MSH6: variants seen among roughly 807,000 people sequenced by gnomAD.
MSH6 encodes the protein DNA mismatch repair protein Msh6.
In MSH6, 85 loss-of-function variants were observed where a neutral mutation model predicts 119.1. The observed-to-expected ratio is 0.71, with a 90% CI of 0.60 to 0.85. The LOEUF is 0.85. Ranked by LOEUF, MSH6 falls within the 40% of genes least tolerant of loss-of-function variation. The pLI is 0.00. For synonymous variants in MSH6, 830 were observed against 586.9 expected (o/e 1.41, Z -5.99); for missense variants, 2,163 against 1,655.3 (o/e 1.31, Z -5.32).
downstream of MSH6, chr2:47,809,484 ATC>A: frequency 1.2e-6 from 1 of 800,252 alleles, no homozygotes; most frequent in Non-Finnish European, 2.0e-6. Flanking sequence ...TTCAAAATCT[ATC>A]TTAAACTGTT....
At chr2:47,806,156 G>GTT in intron 7 of MSH6, 48 bp from the exon 8 acceptor site, 1 of 1,463,252 alleles carries the variant, frequency 6.8e-7, no homozygotes, top group Non-Finnish European at 9.5e-7. Flanking sequence ...TTCCTTTTTT[G>GTT]TTTTAATTCC....
chr2:47,803,709 T>C, intron 5 of MSH6, 24 bp downstream of exon 5: 1 of 1,613,966 alleles, frequency 6.2e-7, no homozygotes, highest in Non-Finnish European at 8.5e-7. Flanking sequence ...AAAGTTTTGT[T>C]ATCAGAAAGT....
chr2:47,800,915 C>G lies in MSH6; in HGVS notation c.2932C>G (p.Gln978Glu), dbSNP rs587781372. Residue 978 changes from glutamine (Q) to glutamate (E), a missense_variant, in exon 4 of 10, where the codon CAG becomes GAG. Gln to Glu is a conservative substitution (Grantham distance 29). Coordinates refer to ENST00000234420, the MANE Select transcript of MSH6 (RefSeq NM_000179.3). The part of the protein sequence containing the change: ...VYWGIGRNRY[Q>E]LEIPENFTTR... Reference sequence around the variant, plus strand: ...TTGGGGGATTGGTAGGAACCGTTACCAGCTGGAAATTCCTGAGAATTTCAC... The same window carrying G: ...TTGGGGGATTGGTAGGAACCGTTACGAGCTGGAAATTCCTGAGAATTTCAC... 8.2e-6 allele frequency: 13 copies of G among 1,582,426 alleles called. No individual in the cohort carries two copies. The highest frequency in any genetic ancestry group is 1.1e-5 in the Non-Finnish European group (13 of 1,166,046).
At chr2:47,792,327 A>G (rs1021383497) in intron 2 of MSH6, among the ~76,000 whole-genome samples, 5 of 152,068 alleles carry the variant, frequency 3.3e-5, no homozygotes, top group East Asian at 3.9e-4. Context: ...GTAACTGGGA[A>G]ATTCCCAGAA....
chr2:47,793,669 T>C lies in MSH6; in HGVS notation c.458-2225T>C, dbSNP rs182275454. 5.3e-5 allele frequency among the ~76,000 whole-genome samples: 8 copies of C among 151,618 alleles called. No homozygotes were observed. The East Asian group carries it at 1.4e-3, about 26-fold the overall frequency. ...ATAAATAAAGTAAAAAGATCTCTCA[T>C]TGAACCAGATGATATATGAAGTCTC... On this transcript the variant is annotated intron_variant, in intron 2 of 9. Coordinates refer to ENST00000234420, the MANE Select transcript of MSH6 (RefSeq NM_000179.3).
At chr2:47,794,841 C>CT (rs1401498130) in intron 2 of MSH6, among the ~76,000 whole-genome samples, 1 of 152,116 alleles carries the variant, frequency 6.6e-6, no homozygotes, top group Non-Finnish European at 1.5e-5. Flanking sequence ...GTCGCCCAGG[C>CT]TGAAGTGCAG....
intron 1 of MSH6, 58 bp from the exon 2 acceptor site, chr2:47,790,869 G>C: frequency 1.3e-6 from 2 of 1,491,072 alleles, no homozygotes; most frequent in East Asian, 2.3e-5. Flanking sequence ...GTAGGTAACT[G>C]CCTTTAAGGA....
chr2:47,786,444 C>A (rs901013773), intron 1 of MSH6, among the ~76,000 whole-genome samples: 1 of 151,862 alleles, frequency 6.6e-6, no homozygotes, highest in African/African-American at 2.4e-5. Flanking sequence ...CAGCGATTCT[C>A]CTGCCTCATC....
intron 4 of MSH6, among the ~76,000 whole-genome samples, chr2:47,801,803 T>G (rs553230122): frequency 1.1e-4 from 16 of 152,162 alleles, no homozygotes; most frequent in African/African-American, 3.1e-4. Context: ...CGTGCCCTGC[T>G]TTATTTTTTT....
chr2:47,793,706 A>G (rs1243516356), intron 2 of MSH6, among the ~76,000 whole-genome samples: 2 of 151,912 alleles, frequency 1.3e-5, no homozygotes, highest in Non-Finnish European at 2.9e-5. Context: ...TTTAGGACCA[A>G]TTTCGAGATT....
chr2:47,794,829 C>G (rs1015792998), intron 2 of MSH6, among the ~76,000 whole-genome samples: 1 of 151,820 alleles, frequency 6.6e-6, no homozygotes, highest in Non-Finnish European at 1.5e-5. Context: ...GAGTCTTGCT[C>G]TGTCGCCCAG....
At chr2:47,792,528 GA>G (rs1668798159) in intron 2 of MSH6, among the ~76,000 whole-genome samples, 2 of 152,058 alleles carry the variant, frequency 1.3e-5, no homozygotes. Context: ...CTTTTTAAAA[GA>G]AATAGAGACA....
downstream of MSH6, chr2:47,809,050 T>C: frequency 1.6e-6 from 1 of 628,408 alleles, no homozygotes; most frequent in South Asian, 2.1e-5. Context: ...AAATTTTCAG[T>C]TAGTTATAGT....
intron 6 of MSH6, 139 bp from the exon 7 acceptor site, chr2:47,805,479 A>G (rs913642081): frequency 5.6e-6 from 4 of 718,142 alleles, no homozygotes; most frequent in African/African-American, 5.3e-5. Context: ...TGCCCGGCCA[A>G]TAATTGCATA....
intron 1 of MSH6, chr2:47,784,002 A>G: frequency 1.9e-6 from 2 of 1,026,988 alleles, no homozygotes; most frequent in Non-Finnish European, 2.3e-6. Flanking sequence ...GCCGGCGCGG[A>G]GATAGTGAGT....
rs370746787 is a variant in MSH6 at position 47,805,726 on chromosome 2, C to A, written c.3646+19C>A. On this transcript the variant is annotated intron_variant, in intron 7 of 9. Coordinates refer to ENST00000234420, the MANE Select transcript of MSH6 (RefSeq NM_000179.3). ...GAATTAGGTAAGACATTAAACTTCT[C>A]ATTTGAAGACTATCTATCTTAAAAA... is the stretch of plus-strand genomic sequence containing the variant. 13 of 1,436,018 alleles carry A rather than the reference C, an allele frequency of 9.1e-6. No homozygotes were observed. Among genetic ancestry groups the A allele is most frequent in the Non-Finnish European group, 1.2e-5 (13 of 1,052,992 alleles). 89.0% of individuals were successfully genotyped at this position (1,436,018 alleles called of 1,614,324 possible).
At chr2:47,798,252 T>C (rs959860380) in intron 3 of MSH6, among the ~76,000 whole-genome samples, 2 of 152,228 alleles carry the variant, frequency 1.3e-5, no homozygotes, top group Non-Finnish European at 2.9e-5. Flanking sequence ...TAAGAGAATT[T>C]ACAGTAGTAC....
downstream of MSH6, chr2:47,807,733 T>C (rs752113299): frequency 1.3e-5 from 3 of 238,408 alleles, no homozygotes; most frequent in Non-Finnish European, 2.5e-5. Context: ...ACAAAAGCAA[T>C]TGGTACCCAT....
chr2:47,802,310 T>TTTTATAG (rs1160337288), intron 4 of MSH6, among the ~76,000 whole-genome samples: 1 of 152,140 alleles, frequency 6.6e-6, no homozygotes, highest in African/African-American at 2.4e-5. Context: ...ACCATTGCTG[T>TTTTATAG]TTTATAGTTT....
Sources: allele counts gnomAD v4.1 joint callset (sites outside exome capture counted in the v4.1 genomes callset), GRCh38; gene constraint gnomAD v4.1.1; transcripts MANE v1.5; gene names NCBI Gene and HGNC (gene_info 2026-07-23, HGNC 2026-07-21).